COL19A1: variants seen among roughly 807,000 people sequenced by gnomAD.
The protein encoded by COL19A1 is collagen type XIX alpha 1 chain, also known as collagen alpha-1(XIX) chain.
COL19A1 carries 159 observed loss-of-function variants against 190.2 expected under a neutral mutation model. That is an observed-to-expected ratio of 0.84 (90% CI 0.73 to 0.95). COL19A1 has a LOEUF of 0.95. COL19A1 is among the 40% of genes least tolerant of loss of function. The probability of loss-of-function intolerance (pLI) is 0.00; values close to 1 mark genes in which losing one functional copy is unlikely to be tolerated. For missense variants in COL19A1, 1,418 were observed against 1,431.9 expected (o/e 0.99, Z 0.16); for synonymous variants, 509 against 458.9 (o/e 1.11, Z -1.39).
intron 9 of COL19A1, among the ~76,000 whole-genome samples, chr6:69,954,145 T>C (rs1299955354): frequency 6.6e-6 from 1 of 152,020 alleles, no homozygotes; most frequent in Non-Finnish European, 1.5e-5. Context: ...ATTTTCAGAT[T>C]ATTAAACTCA....
At chr6:69,918,477 G>A (rs761628929) in intron 4 of COL19A1, among the ~76,000 whole-genome samples, 4 of 152,012 alleles carry the variant, frequency 2.6e-5, no homozygotes, top group African/African-American at 4.8e-5. Flanking sequence ...CAGATGTATC[G>A]CTTGAGGCCA....
chr6:70,078,008 A>T (rs556913260), intron 15 of COL19A1, among the ~76,000 whole-genome samples: 1 of 152,346 alleles, frequency 6.6e-6, no homozygotes, highest in East Asian at 1.9e-4. Flanking sequence ...TTGCAGAAAC[A>T]TTTCCATAGC....
chr6:70,009,459 C>T (rs546461003), intron 11 of COL19A1, among the ~76,000 whole-genome samples: 4 of 152,064 alleles, frequency 2.6e-5, no homozygotes, highest in South Asian at 2.1e-4. Context: ...TTCAAGAAGA[C>T]CTAAATAAAT....
At position 70,207,236 on chromosome 6, in the gene COL19A1, C is replaced by G. The variant is rs146716653; in HGVS notation, c.3391C>G (p.Pro1131Ala). ...GRCNPEDCLY[P>A]VSHAHQRTGG... The stretch of plus-strand genomic sequence containing the variant: ...ATGTAACCCAGAAGATTGCCTCTAT[C>G]CTGTGTCTCATGCCCATCAGCGCAC... Residue 1131 changes from proline to alanine, a missense_variant, in exon 51 of 51, where the codon CCT becomes GCT. Transcript: ENST00000620364. 1 of 1,614,024 alleles carries G rather than the reference C, an allele frequency of 6.2e-7. No homozygotes were observed. The highest frequency in any genetic ancestry group is 1.3e-5 in the African/African-American group (1 of 75,018).
chr6:70,018,501 G>T (rs1778241357), intron 11 of COL19A1, among the ~76,000 whole-genome samples: 1 of 152,102 alleles, frequency 6.6e-6, no homozygotes, highest in South Asian at 2.1e-4. Context: ...TAGAGCAAGG[G>T]TGTTTAGAGT....
chr6:69,870,911 T>G lies in COL19A1; in HGVS notation c.-33+4271T>G, dbSNP rs190302789. 2.6e-5 allele frequency among the ~76,000 whole-genome samples: 4 copies of G among 152,268 alleles called. No homozygotes were observed. In the East Asian group the frequency reaches 5.8e-4, roughly 22 times the overall value. On this transcript the variant is annotated intron_variant, in intron 1 of 50. Transcript: ENST00000620364. The stretch of plus-strand genomic sequence containing the variant: ...AGATTTGATAGACTTTGACAGAGAT[T>G]TGATATGGGGTGAGGGTGAATAAAT...
chr6:69,875,073 G>A (rs962605692), intron 1 of COL19A1, among the ~76,000 whole-genome samples: 15 of 152,314 alleles, frequency 9.8e-5, no homozygotes, highest in South Asian at 8.3e-4. Flanking sequence ...ATAAACATAC[G>A]TATACAGAAA....
rs375950962 is a variant in COL19A1, at chr6:69,900,251, G to A, written c.179G>A (p.Gly60Glu). The A allele has an allele frequency of 8.2e-6, 13 of 1,585,580 alleles. No individual in the cohort carries two copies. Among genetic ancestry groups the A allele is most frequent in the Admixed American group, 1.8e-5 (1 of 56,668 alleles). Residue 60 changes from glycine to glutamate, a missense_variant, in exon 4 of 51, where the codon GGA becomes GAA. Gly to Glu is a moderately conservative substitution (Grantham distance 98, BLOSUM62 -2). Coordinates refer to ENST00000620364, the MANE Select transcript of COL19A1 (RefSeq NM_001858.6). Reference sequence around the variant, plus strand: ...TTACATTTTACAGGTTTTGATCTAGGAGACAGCTTTTCTCTAAGACGTGCA... The same window carrying A: ...TTACATTTTACAGGTTTTGATCTAGAAGACAGCTTTTCTCTAAGACGTGCA... ...NKLEVSGFDL[G>E]DSFSLRRAFC...
chr6:69,983,475 T>C (rs1402995351), intron 11 of COL19A1, among the ~76,000 whole-genome samples: 2 of 152,128 alleles, frequency 1.3e-5, no homozygotes, highest in African/African-American at 4.8e-5. Flanking sequence ...TTTCTTGCCA[T>C]ATTTTACTGA....
intron 14 of COL19A1, among the ~76,000 whole-genome samples, chr6:70,063,258 G>C (rs1490346263): frequency 6.6e-6 from 1 of 152,062 alleles, no homozygotes; most frequent in Non-Finnish European, 1.5e-5. Context: ...AAATGTAAAA[G>C]AACAGAAATC....
intron 47 of COL19A1, 31 bp from the exon 48 acceptor site, chr6:70,190,284 A>G: frequency 6.5e-7 from 1 of 1,539,558 alleles, no homozygotes; most frequent in East Asian, 2.3e-5. Context: ...GCTATGCTCT[A>G]TTTTAACAAC....
In COL19A1 at chr6:70,127,039, A is replaced by G. The variant is rs369579059; in HGVS notation, c.1342-3143A>G. Among the ~76,000 whole-genome samples, 11 of 152,312 alleles carry G rather than the reference A, an allele frequency of 7.2e-5. 1 individual carries two copies. The East Asian group carries it at 1.7e-3, about 24-fold the overall frequency. On this transcript the variant is annotated intron_variant, in intron 17 of 50. Coordinates refer to ENST00000620364, the MANE Select transcript of COL19A1 (RefSeq NM_001858.6). ...GCCCAACAGATATTTATTGAATGCC[A>G]GGGGAGGCTTTCATGAATGGCATTT...
At chr6:69,980,347 G>T (rs75259624) in intron 11 of COL19A1, among the ~76,000 whole-genome samples, 1 of 152,008 alleles carries the variant, frequency 6.6e-6, no homozygotes, top group South Asian at 2.1e-4. Context: ...TTCCACAGGT[G>T]CATTGGCACT....
chr6:69,987,854 T>C (rs182904807), intron 11 of COL19A1, among the ~76,000 whole-genome samples: 1 of 152,270 alleles, frequency 6.6e-6, no homozygotes, highest in Admixed American at 6.5e-5. Context: ...TTTACTCAAG[T>C]AGTGGGCTTT....
chr6:69,867,340 A>C (rs1767524552), intron 1 of COL19A1: 1 of 153,238 alleles, frequency 6.5e-6, no homozygotes, highest in Non-Finnish European at 1.5e-5. Context: ...CAGCATGCGC[A>C]GCGCGGTCGG....
chr6:70,149,255 G>GA (rs886959113), intron 27 of COL19A1, among the ~76,000 whole-genome samples: 4 of 150,994 alleles, frequency 2.6e-5, no homozygotes, highest in Admixed American at 6.6e-5. Context: ...TCTAAAAGTA[G>GA]AAAAAAAAAT....
intron 11 of COL19A1, among the ~76,000 whole-genome samples, chr6:69,975,914 A>G (rs1775688680): frequency 6.6e-6 from 1 of 152,122 alleles, no homozygotes. Context: ...TATCAAACAC[A>G]TCCTAAGAAA....
intron 14 of COL19A1, among the ~76,000 whole-genome samples, chr6:70,055,783 A>T (rs1375814301): frequency 6.7e-5 from 3 of 44,696 alleles, no homozygotes; most frequent in Non-Finnish European, 6.9e-5. Flanking sequence ...CTCTGTATTA[A>T]AAAAAAAAAA....
At chr6:70,086,958 G>A (rs1782627129) in intron 15 of COL19A1, among the ~76,000 whole-genome samples, 1 of 151,994 alleles carries the variant, frequency 6.6e-6, no homozygotes, top group Non-Finnish European at 1.5e-5. Context: ...GGAATCAGCA[G>A]ACTACAGCCC....
Sources: gnomAD v4.1 joint callset for allele counts (sites outside exome capture counted in the v4.1 genomes callset) on GRCh38, gnomAD v4.1.1 for gene constraint, MANE v1.5 for transcripts, NCBI Gene and HGNC (gene_info 2026-07-23, HGNC 2026-07-21) for gene names.